The following CNGA4 variants were observed in gnomAD, a reference collection of about 807,000 sequenced individuals.
CNGA4 encodes the protein cyclic nucleotide-gated channel alpha-4.
In CNGA4, 32 loss-of-function variants were observed where a neutral mutation model predicts 45.6. That is an observed-to-expected ratio of 0.70 (90% CI 0.53 to 0.94). The LOEUF is 0.94. Ranked by LOEUF, CNGA4 falls within the 40% of genes least tolerant of loss-of-function variation. The pLI is 0.00. For synonymous variants in CNGA4, 293 were observed against 304.6 expected (o/e 0.96, Z 0.40); for missense variants, 726 against 755.1 (o/e 0.96, Z 0.45).
At position 6,239,734 on chromosome 11, in the gene CNGA4, T is replaced by C; in HGVS notation, c.215T>C (p.Leu72Pro). 4 of 1,614,188 alleles carry C rather than the reference T, an allele frequency of 2.5e-6. No individual in the cohort carries two copies. The highest frequency in any genetic ancestry group is 3.4e-6 in the Non-Finnish European group (4 of 1,180,010). ...QHGYLVAWLV[L>P]DYTSDLLYLL... is the part of the protein sequence containing the mutation. ...GGTTATCTGGTGGCCTGGTTGGTGC[T>C]GGACTACACGAGTGACCTGCTATAC... is the stretch of plus-strand genomic sequence containing the variant. Residue 72 changes from leucine to proline, a missense_variant, in exon 3 of 6, where the codon CTG becomes CCG. Transcript: ENST00000379936.
At chr11:6,243,052 T>G (rs1429534064) in intron 5 of CNGA4, among the ~76,000 whole-genome samples, 3 of 152,188 alleles carry the variant, frequency 2.0e-5, no homozygotes, top group Admixed American at 2.0e-4. Context: ...CTTCTCGCAC[T>G]CTGAACTGCT....
chr11:6,239,301 T>C, intron 1 of CNGA4, 33 bp downstream of exon 1: 1 of 1,612,664 alleles, frequency 6.2e-7, no homozygotes, highest in Non-Finnish European at 8.5e-7. Context: ...GTGGGATCTC[T>C]CCTCATTCCT....
chr11:6,241,535 C>A lies in CNGA4; in HGVS notation c.1022C>A (p.Ser341Tyr). ...GAAGTGGCTGTGTCTGTGCACCTGT[C>A]CACTCTGAGCCGGGTGCAGATCTTT... The part of the protein sequence containing the change: ...RAEVAVSVHL[S>Y]TLSRVQIFQN... Residue 341 changes from serine to tyrosine, a missense_variant, in exon 5 of 6, where the codon TCC becomes TAC. By Grantham distance (144) the Ser-to-Tyr change is moderately radical. Coordinates refer to ENST00000379936, the MANE Select transcript of CNGA4 (RefSeq NM_001037329.4). 1.9e-6 allele frequency: 3 copies of A among 1,614,200 alleles called. No individual in the cohort carries two copies. The highest frequency in any genetic ancestry group is 2.5e-6 in the Non-Finnish European group (3 of 1,180,024).
intron 4 of CNGA4, among the ~76,000 whole-genome samples, 199 bp from the exon 5 acceptor site, chr11:6,241,232 G>A (rs1234106597): frequency 6.6e-6 from 1 of 152,146 alleles, no homozygotes; most frequent in African/African-American, 2.4e-5. Context: ...GAGCCTGATA[G>A]GAGGTGAAGG....
At chr11:6,244,737 G>A (rs1328439472), downstream of CNGA4, among the ~76,000 whole-genome samples, 2 of 151,990 alleles carry the variant, frequency 1.3e-5, no homozygotes, top group Non-Finnish European at 2.9e-5. The surrounding 1 kb of genome is among the most constrained non-coding windows in gnomAD (Gnocchi z 4.5). Flanking sequence ...AAGCACCGAT[G>A]TATCTTACAC....
At chr11:6,238,251 A>G (rs1847862410), upstream of CNGA4, among the ~76,000 whole-genome samples, 1 of 152,214 alleles carries the variant, frequency 6.6e-6, no homozygotes, top group South Asian at 2.1e-4. Context: ...TTCACCTAGC[A>G]GACTGTGAGC....
upstream of CNGA4, chr11:6,238,932 C>A (rs374596724): frequency 4.0e-5 from 21 of 521,022 alleles, no homozygotes; most frequent in African/African-American, 3.3e-4. Flanking sequence ...CATGCACCCC[C>A]ACCTTCTCCA....
In CNGA4 at chr11:6,243,620, A is replaced by C. The variant is rs115491046; in HGVS notation, c.1268-329A>C. The stretch of plus-strand genomic sequence containing the variant: ...GACATCCCTTCCTCCAGACTTCCCT[A>C]AATTCCCTGCCTTACGGTTTGGTAG... On this transcript the variant is annotated intron_variant, in intron 5 of 5. Transcript: ENST00000379936. 5.9e-3 allele frequency among the ~76,000 whole-genome samples: 905 copies of C among 152,316 alleles called. 5 individuals are homozygous for C. Among genetic ancestry groups the C allele is most frequent in the African/African-American group, 0.021 (864 of 41,570 alleles).
chr11:6,243,883 A>G, intron 5 of CNGA4, 66 bp from the exon 6 acceptor site: 1 of 1,443,206 alleles, frequency 6.9e-7, no homozygotes, highest in Non-Finnish European at 9.5e-7. Flanking sequence ...GTCCTGGTTC[A>G]GGAGTGAAAT....
upstream of CNGA4, among the ~76,000 whole-genome samples, chr11:6,237,467 A>T (rs1590648415): frequency 6.6e-6 from 1 of 152,070 alleles, no homozygotes; most frequent in Admixed American, 6.5e-5. Context: ...GAGCCACTAT[A>T]TGAGAAAGGA....
At chr11:6,237,560 A>T (rs1847854576), upstream of CNGA4, among the ~76,000 whole-genome samples, 1 of 152,110 alleles carries the variant, frequency 6.6e-6, no homozygotes. Context: ...CCAAGAAAAA[A>T]AAAAAACACC....
At chr11:6,242,223 T>G (rs1221687962) in intron 5 of CNGA4, among the ~76,000 whole-genome samples, 1 of 151,984 alleles carries the variant, frequency 6.6e-6, no homozygotes, top group Non-Finnish European at 1.5e-5. Flanking sequence ...GAAATCAAAC[T>G]CAAAGAAGTT....
intron 5 of CNGA4, chr11:6,241,984 G>T (rs1847926309): frequency 3.4e-6 from 2 of 596,326 alleles, no homozygotes; most frequent in Admixed American, 3.0e-5. Flanking sequence ...CAAGGCCAGT[G>T]AACAGGGTGG....
At chr11:6,238,675 T>C (rs373696906), upstream of CNGA4, among the ~76,000 whole-genome samples, 1 of 152,220 alleles carries the variant, frequency 6.6e-6, no homozygotes, top group East Asian at 1.9e-4. Flanking sequence ...TAGAGCTCAC[T>C]TCTCATGTGA....
At position 6,244,224 on chromosome 11, in the gene CNGA4, C is replaced by T. The variant is rs772082615; in HGVS notation, c.1543C>T (p.Leu515=). ...TCTACAGACCAAGTTTGCTCGCCTC[C>T]TGGCTGAGCTGGAGTCCAGCGCACT... ...DDLQTKFARL[L]AELESSALKI... The change falls in exon 6 of 6, where the codon CTG becomes TTG. Residue 515 remains leucine (L), a synonymous_variant. Coordinates refer to ENST00000379936, the MANE Select transcript of CNGA4 (RefSeq NM_001037329.4). The surrounding 1 kb of genome is among the most constrained non-coding windows in gnomAD (Gnocchi z 4.5). 6.2e-7 allele frequency: 1 copy of T among 1,614,228 alleles called. No homozygotes were observed.
chr11:6,244,303 T>C lies in CNGA4; in HGVS notation c.1622T>C (p.Met541Thr). 1.9e-6 allele frequency: 3 copies of C among 1,614,100 alleles called. No homozygotes were observed. The highest frequency in any genetic ancestry group is 1.7e-6 in the Non-Finnish European group (2 of 1,180,022). ...RLEWQTREWP[M>T]PEDLAEADDE... ...GAGTGGCAGACTCGAGAGTGGCCAA[T>C]GCCCGAGGACCTGGCTGAGGCTGAT... The change falls in exon 6 of 6, where the codon ATG becomes ACG. Residue 541 changes from methionine to threonine, a missense_variant. Transcript: ENST00000379936. The surrounding 1 kb of genome is among the most constrained non-coding windows in gnomAD (Gnocchi z 4.5).
Position 6,242,458 on chromosome 11 carries a change from C to T in CNGA4, c.1267+678C>T, listed in dbSNP as rs548333427. On this transcript the variant is annotated intron_variant, in intron 5 of 5. Transcript: ENST00000379936. ...TAATCACAGGTATTAGGCATGAGGTCGTGCAAGCAGGAAATCCTGCAAATG... is the reference window on the plus strand; with the variant it reads ...TAATCACAGGTATTAGGCATGAGGTTGTGCAAGCAGGAAATCCTGCAAATG... 3.5e-4 allele frequency among the ~76,000 whole-genome samples: 54 copies of T among 152,132 alleles called. No individual in the cohort carries two copies. In the South Asian group the frequency reaches 9.1e-3, roughly 26 times the overall value.
At chr11:6,244,625 C>CACACAT (rs1847968360), downstream of CNGA4, among the ~76,000 whole-genome samples, 1 of 140,416 alleles carries the variant, frequency 7.1e-6, no homozygotes, top group Non-Finnish European at 1.6e-5. The surrounding 1 kb of genome is among the most constrained non-coding windows in gnomAD (Gnocchi z 4.5). Context: ...CACACACACA[C>CACACAT]ACACATTTGC....
chr11:6,238,212 CAT>C (rs1315007526), upstream of CNGA4, among the ~76,000 whole-genome samples: 1 of 152,230 alleles, frequency 6.6e-6, no homozygotes, highest in Non-Finnish European at 1.5e-5. Context: ...TTAGTTACCT[CAT>C]GTGTAATTAC....
Sources: allele counts gnomAD v4.1 joint callset (sites outside exome capture counted in the v4.1 genomes callset), GRCh38; gene constraint gnomAD v4.1.1; non-coding constraint Gnocchi (gnomAD v3.1); transcripts MANE v1.5; gene names NCBI Gene and HGNC (gene_info 2026-07-23, HGNC 2026-07-21).